Variants in NAALADL2 observed in about 807,000 individuals in gnomAD.
NAALADL2 encodes the protein N-acetylated alpha-linked acidic dipeptidase like 2.
Under a neutral mutation model 87.2 loss-of-function variants are expected in NAALADL2, and 76 were observed. That is an observed-to-expected ratio of 0.87 (90% confidence interval 0.72 to 1.05). The LOEUF is 1.05. NAALADL2 is among the 50% of genes least tolerant of loss of function. The pLI, the probability that NAALADL2 is intolerant of heterozygous loss-of-function variation, is 0.00. For missense variants in NAALADL2, 1,089 were observed against 945.8 expected (o/e 1.15, Z -1.99); for synonymous variants, 354 against 331.0 (o/e 1.07, Z -0.75).
At chr3:174,488,347 A>G (rs1055355941) in intron 1 of NAALADL2, among the ~76,000 whole-genome samples, 17 of 151,942 alleles carry the variant, frequency 1.1e-4, no homozygotes, top group Non-Finnish European at 1.6e-4. Flanking sequence ...CAGTTTTGTC[A>G]CCTCTAATAA....
In NAALADL2 at chr3:174,959,342, A is replaced by G. The variant is rs577727034; in HGVS notation, c.43+99892A>G. Among the ~76,000 whole-genome samples the G allele has an allele frequency of 3.3e-5, 5 of 152,170 alleles. No individual in the cohort carries two copies. The East Asian group carries it at 9.7e-4, about 30-fold the overall frequency. ...TCATACCTTAAAATCAAGTAAAAAT[A>G]GACCCTAATCTTGGAGATTATTATT... is the stretch of plus-strand genomic sequence containing the variant. On this transcript the variant is annotated intron_variant, in intron 1 of 13. Coordinates refer to ENST00000454872, the MANE Select transcript of NAALADL2 (RefSeq NM_207015.3).
intron 7 of NAALADL2, among the ~76,000 whole-genome samples, chr3:175,466,431 C>T (rs576920830): frequency 6.6e-6 from 1 of 152,078 alleles, no homozygotes; most frequent in African/African-American, 2.4e-5. Flanking sequence ...GCAACTTTTA[C>T]AACAGTTGAA....
chr3:175,195,321 G>T (rs2109088426), intron 2 of NAALADL2, among the ~76,000 whole-genome samples: 1 of 151,830 alleles, frequency 6.6e-6, no homozygotes, highest in African/African-American at 2.4e-5. Flanking sequence ...GTGGAAGAAG[G>T]GAGACAATAA....
chr3:175,512,529 T>C (rs1397246281), intron 9 of NAALADL2, among the ~76,000 whole-genome samples: 1 of 152,172 alleles, frequency 6.6e-6, no homozygotes, highest in African/African-American at 2.4e-5. Context: ...CCAACTTTAT[T>C]GGTACTTTAT....
intron 3 of NAALADL2, among the ~76,000 whole-genome samples, chr3:174,777,860 T>G (rs532265617): frequency 7.2e-5 from 11 of 152,214 alleles, no homozygotes; most frequent in African/African-American, 2.6e-4. Context: ...CAAGTCTTCA[T>G]TGTCAATTTT....
chr3:174,564,578 T>C (rs898651545), intron 2 of NAALADL2, among the ~76,000 whole-genome samples: 4 of 152,208 alleles, frequency 2.6e-5, no homozygotes, highest in African/African-American at 9.6e-5. Flanking sequence ...AGTAACCTAA[T>C]AGTATTTCAA....
intron 10 of NAALADL2, among the ~76,000 whole-genome samples, chr3:175,592,600 G>A (rs919722101): frequency 6.6e-6 from 1 of 152,000 alleles, no homozygotes; most frequent in African/African-American, 2.4e-5. Context: ...GGACATGGAT[G>A]CAATTGGAAA....
At chr3:175,427,506 T>C (rs966807383) in intron 5 of NAALADL2, among the ~76,000 whole-genome samples, 3 of 152,198 alleles carry the variant, frequency 2.0e-5, no homozygotes, top group African/African-American at 7.2e-5. Context: ...ATTTCACATA[T>C]ATGTTAAAAA....
At chr3:175,200,955 C>T (rs758454635) in intron 2 of NAALADL2, among the ~76,000 whole-genome samples, 1 of 152,116 alleles carries the variant, frequency 6.6e-6, no homozygotes, top group Non-Finnish European at 1.5e-5. Context: ...TAGTATTTTT[C>T]CCTTGACTCT....
intron 3 of NAALADL2, among the ~76,000 whole-genome samples, chr3:174,833,167 T>G (rs1002873318): frequency 6.6e-6 from 1 of 152,324 alleles, no homozygotes; most frequent in Non-Finnish European, 1.5e-5. Context: ...TTTCTGTATG[T>G]ACTTTTAAAT....
chr3:175,718,227 T>TTTTTTGTTTTAA, intron 11 of NAALADL2: 2 of 1,037,684 alleles, frequency 1.9e-6, no homozygotes, highest in Non-Finnish European at 2.8e-6. Flanking sequence ...TTTTTTTGAT[T>TTTTTTGTTTTAA]AGTTGCTGTA....
rs1157257533 is a variant in NAALADL2 at position 175,206,262 on chromosome 3, A to ATAT, written c.546-27668_546-27667insATT. 3.4e-3 allele frequency among the ~76,000 whole-genome samples: 355 copies of ATAT among 103,136 alleles called. 16 individuals carry two copies. The highest frequency in any genetic ancestry group is 0.014 in the African/African-American group (302 of 20,980). The allele number at this position is 103,136 out of a possible 152,430, so 67.7% of individuals were successfully genotyped here. On this transcript the variant is annotated intron_variant, in intron 2 of 13. Transcript: ENST00000454872. ...TAAAAAACTATATATATATATATATATTTTTTTTTTTCACTGTGTGTGTGT... is the reference window on the plus strand; with the variant it reads ...TAAAAAACTATATATATATATATATATATTTTTTTTTTTTCACTGTGTGTGTGT...
intron 9 of NAALADL2, among the ~76,000 whole-genome samples, chr3:175,475,717 T>A (rs1334156504): frequency 1.3e-5 from 2 of 152,146 alleles, no homozygotes; most frequent in Admixed American, 6.6e-5. Flanking sequence ...AGTGTTTTTT[T>A]AATTTAATTT....
intron 9 of NAALADL2, among the ~76,000 whole-genome samples, chr3:175,556,497 T>C (rs1000111844): frequency 1.3e-5 from 2 of 152,208 alleles, no homozygotes; most frequent in African/African-American, 2.4e-5. Flanking sequence ...CTCAAGCTAA[T>C]AGTTTATAAA....
intron 1 of NAALADL2, among the ~76,000 whole-genome samples, chr3:174,530,166 T>C (rs959845761): frequency 1.3e-5 from 2 of 152,186 alleles, no homozygotes; most frequent in Non-Finnish European, 2.9e-5. Flanking sequence ...TAGAAATTTC[T>C]TCTACCAGAT....
At chr3:174,908,960 A>T (rs1733330090) in intron 1 of NAALADL2, among the ~76,000 whole-genome samples, 1 of 152,042 alleles carries the variant, frequency 6.6e-6, no homozygotes, top group African/African-American at 2.4e-5. Flanking sequence ...AGCCTGCAGT[A>T]AACAGATTTT....
At chr3:175,125,412 G>A (rs539039324) in intron 2 of NAALADL2, among the ~76,000 whole-genome samples, 73 of 152,026 alleles carry the variant, frequency 4.8e-4, no homozygotes, top group African/African-American at 1.6e-3. Context: ...AGCGCTAAGT[G>A]GGAGAGAACA....
At chr3:174,659,664 G>T (rs1725323660) in intron 2 of NAALADL2, among the ~76,000 whole-genome samples, 1 of 152,176 alleles carries the variant, frequency 6.6e-6, no homozygotes, top group African/African-American at 2.4e-5. Flanking sequence ...GCCAGTGGGA[G>T]GCATAAGCCA....
intron 1 of NAALADL2, among the ~76,000 whole-genome samples, chr3:175,096,085 A>G (rs559237111): frequency 6.6e-6 from 1 of 152,180 alleles, no homozygotes; most frequent in South Asian, 2.1e-4. Flanking sequence ...GCCATCCCAG[A>G]CTTTTATTTA....
Sources: gnomAD v4.1 joint callset for allele counts (sites outside exome capture counted in the v4.1 genomes callset) on GRCh38, gnomAD v4.1.1 for gene constraint, MANE v1.5 for transcripts, NCBI Gene and HGNC (gene_info 2026-07-23, HGNC 2026-07-21) for gene names.